Variants in HS3ST6 observed in about 807,000 individuals in gnomAD.
HS3ST6 encodes the protein heparan sulfate-glucosamine 3-sulfotransferase 6, also known as heparan sulfate glucosamine 3-O-sulfotransferase 6.
HS3ST6 carries 13 observed loss-of-function variants against 11.0 expected under a neutral mutation model. That is an observed-to-expected ratio of 1.18 (90% confidence interval 0.77 to 1.88). The LOEUF (loss-of-function observed/expected upper bound fraction) is 1.88. Ranked by LOEUF, HS3ST6 falls within the 40% of genes most tolerant of loss-of-function variation. HS3ST6 has a pLI of 0.00. For missense variants in HS3ST6, 541 were observed against 494.4 expected, an observed-to-expected ratio of 1.09 and a Z score of -0.89; for synonymous variants, 232 against 230.6, an observed-to-expected ratio of 1.01 and a Z score of -0.06.
In HS3ST6 at chr16:1,912,060, C is replaced by T; in HGVS notation, c.559G>A (p.Ala187Thr). The T allele has an allele frequency of 6.6e-7, 1 of 1,514,830 alleles. No individual in the cohort carries two copies. The allele number at this position is 1,514,830 out of a possible 1,614,324, so 93.8% of individuals were successfully genotyped here. A position where few individuals can be genotyped will look rare whatever the true frequency, so the allele number is the denominator to read the frequency against. The change falls in exon 2 of 2, where the codon GCC becomes ACC. Residue 187 changes from alanine to threonine, a missense_variant. By Grantham distance (58) the Ala-to-Thr change is moderately conservative (BLOSUM62 0). Transcript: ENST00000454677. The surrounding 1 kb of genome is among the most constrained non-coding windows in gnomAD (Gnocchi z 5.6). ...IVVVRNPVTR[A>T]ISDYAQTLSK... ...AGCGTCTGGGCGTAGTCGGAGATGG[C>T]CCGGGTCACGGGGTTCCGCACCACC...
In HS3ST6 at chr16:1,912,423, G is replaced by A. The variant is rs138248047; in HGVS notation, c.414-218C>T. 2.5e-3 allele frequency among the ~76,000 whole-genome samples: 388 copies of A among 152,162 alleles called. 7 individuals carry two copies. The highest frequency in any genetic ancestry group is 1.6e-3 in the East Asian group (8 of 5,144). On this transcript the variant is annotated intron_variant, in intron 1 of 1. Coordinates refer to ENST00000454677, the MANE Select transcript of HS3ST6 (RefSeq NM_001009606.4). This position sits in a 1 kb window ranked among gnomAD's most constrained non-coding sequence, Gnocchi z 5.6. The stretch of plus-strand genomic sequence containing the variant: ...CCAGCCCGGCACCTGCCTGCAGCCC[G>A]GCCTGTTCCGCCGGCCTGCCCCGCC...
rs766740518 is a variant in HS3ST6, at chr16:1,912,004, G to A, written c.615C>T (p.Arg205=). ...CCAGGCCGTGGCGGAAGGCCAGGGC[G>A]CGGAAGCTGGGCAGGCCCGGGGTCT... ...LSKTPGLPSF[R]ALAFRHGLGP... Residue 205 remains arginine (R), a synonymous_variant, in exon 2 of 2, where the codon CGC becomes CGT. Transcript: ENST00000454677. This position sits in a 1 kb window ranked among gnomAD's most constrained non-coding sequence, Gnocchi z 5.6. The A allele has an allele frequency of 2.0e-5, 31 of 1,531,700 alleles. No homozygotes were observed. The highest frequency in any genetic ancestry group is 1.8e-4 in the Middle Eastern group (1 of 5,680). 94.9% of individuals were successfully genotyped at this position (1,531,700 alleles called of 1,614,324 possible).
At chr16:1,918,567 G>C (rs1027408192), upstream of HS3ST6, 2 of 153,084 alleles carry the variant, frequency 1.3e-5, no homozygotes, top group African/African-American at 4.8e-5. This position sits in a 1 kb window ranked among gnomAD's most constrained non-coding sequence, Gnocchi z 6.0. Context: ...CACCACCCGG[G>C]CGCGACTCGA....
intron 1 of HS3ST6, among the ~76,000 whole-genome samples, chr16:1,917,199 G>A (rs1054550833): frequency 2.0e-5 from 3 of 152,188 alleles, no homozygotes; most frequent in Non-Finnish European, 4.4e-5. Flanking sequence ...TCCCCAACTG[G>A]CCTTGGGCAG....
chr16:1,913,114 G>C (rs774375243), intron 1 of HS3ST6, among the ~76,000 whole-genome samples: 1 of 152,174 alleles, frequency 6.6e-6, no homozygotes, highest in Admixed American at 6.6e-5. Context: ...TTTAACTGTA[G>C]CCCTGTGAAT....
intron 1 of HS3ST6, among the ~76,000 whole-genome samples, chr16:1,913,361 C>T (rs750157487): frequency 6.6e-6 from 1 of 152,110 alleles, no homozygotes; most frequent in Non-Finnish European, 1.5e-5. Context: ...CCCAAGGTCC[C>T]GGGGGAATCA....
chr16:1,911,695 TG>T lies in HS3ST6; in HGVS notation c.923del (p.Pro308HisfsTer27). 1 of 1,612,040 alleles carries T rather than the reference TG, an allele frequency of 6.2e-7. No individual in the cohort carries two copies. The highest frequency in any genetic ancestry group is 8.5e-7 in the Non-Finnish European group (1 of 1,179,012). On this transcript the variant is annotated frameshift_variant, in exon 2 of 2. Transcript: ENST00000454677. LOFTEE classifies it high-confidence loss of function. Reference sequence around the variant, plus strand: ...CCAGGGCCTGGGGCACGCGTGGGTGTGGCCGGCCCTTGGACTTGCCCAGGCA... The same window carrying T: ...CCAGGGCCTGGGGCACGCGTGGGTGTGCCGGCCCTTGGACTTGCCCAGGCA... ...PRCLGKSKGR[P>X]HPRVPQALVR... is the part of the protein sequence containing the mutation.
In HS3ST6 at chr16:1,912,691, C is replaced by G. The variant is rs1227445297; in HGVS notation, c.414-486G>C. 6.6e-6 allele frequency among the ~76,000 whole-genome samples: 1 copy of G among 152,160 alleles called. No individual in the cohort carries two copies. The highest frequency in any genetic ancestry group is 2.4e-5 in the African/African-American group (1 of 41,438). Reference sequence around the variant, plus strand: ...CACCCGTTCACTCAGTGGCTGACAGCATCCCCTAAATCAGCCCTTCACCAA... The same window carrying G: ...CACCCGTTCACTCAGTGGCTGACAGGATCCCCTAAATCAGCCCTTCACCAA... On this transcript the variant is annotated intron_variant, in intron 1 of 1. Coordinates refer to ENST00000454677, the MANE Select transcript of HS3ST6 (RefSeq NM_001009606.4). The surrounding 1 kb of genome is among the most constrained non-coding windows in gnomAD (Gnocchi z 5.6).
At chr16:1,913,052 A>C (rs1597009381) in intron 1 of HS3ST6, among the ~76,000 whole-genome samples, 1 of 152,172 alleles carries the variant, frequency 6.6e-6, no homozygotes, top group African/African-American at 2.4e-5. Flanking sequence ...TCAGCCTCCC[A>C]AAGTGCTGGG....
Position 1,911,478 on chromosome 16 carries a change from G to GCATCCGAAGCCTATCCTAGCCCA in HS3ST6, c.*111_*112insTGGGCTAGGATAGGCTTCGGATG, listed in dbSNP as rs2082884972. 7.7e-7 allele frequency: 1 copy of GCATCCGAAGCCTATCCTAGCCCA among 1,299,004 alleles called. No individual in the cohort carries two copies. The highest frequency in any genetic ancestry group is 1.0e-6 in the Non-Finnish European group (1 of 977,510). 80.5% of individuals were successfully genotyped at this position (1,299,004 alleles called of 1,614,324 possible). A position where few individuals can be genotyped will look rare whatever the true frequency, so the allele number is the denominator to read the frequency against. ...AACCTCGAGGTTTGTGGAAAAATCT[G>GCATCCGAAGCCTATCCTAGCCCA]GGTCCAAGCTTTATTTCTTAAATAT... On this transcript the variant is annotated 3_prime_UTR_variant, in exon 2 of 2. Transcript: ENST00000454677.
At chr16:1,913,908 A>G (rs994475933) in intron 1 of HS3ST6, among the ~76,000 whole-genome samples, 12 of 152,062 alleles carry the variant, frequency 7.9e-5, no homozygotes, top group Non-Finnish European at 1.2e-4. Flanking sequence ...TTCCCCCACA[A>G]CACCCACCAT....
At position 1,912,798 on chromosome 16, in the gene HS3ST6, T is replaced by C. The variant is rs1235450189; in HGVS notation, c.414-593A>G. Among the ~76,000 whole-genome samples, 2 of 152,092 alleles carry C rather than the reference T, an allele frequency of 1.3e-5. No homozygotes were observed. The highest frequency in any genetic ancestry group is 4.8e-5 in the African/African-American group (2 of 41,414). On this transcript the variant is annotated intron_variant, in intron 1 of 1. Transcript: ENST00000454677. This position sits in a 1 kb window ranked among gnomAD's most constrained non-coding sequence, Gnocchi z 5.6. ...ATGTAATTACATCTCTTCCCATCTTTATTTATTTTTTGAGACGGAGTCTTG... is the reference window on the plus strand; with the variant it reads ...ATGTAATTACATCTCTTCCCATCTTCATTTATTTTTTGAGACGGAGTCTTG...
At chr16:1,920,479 G>C (rs1340796231), upstream of HS3ST6, among the ~76,000 whole-genome samples, 1 of 151,928 alleles carries the variant, frequency 6.6e-6, no homozygotes, top group Non-Finnish European at 1.5e-5. Context: ...GGTCTCAGCA[G>C]TCCCTACTCA....
Position 1,912,356 on chromosome 16 carries a change from C to A in HS3ST6, c.414-151G>T, listed in dbSNP as rs988909910. ...CCCTGCTCGGGCCCACCCCTGCTAG[C>A]GTGCGCGGCTGGGCAGCCTGGAACA... On this transcript the variant is annotated intron_variant, in intron 1 of 1. Transcript: ENST00000454677. The surrounding 1 kb of genome is among the most constrained non-coding windows in gnomAD (Gnocchi z 5.6). Among the ~76,000 whole-genome samples, 3 of 151,610 alleles carry A rather than the reference C, an allele frequency of 2.0e-5. No homozygotes were observed. The highest frequency in any genetic ancestry group is 7.3e-5 in the African/African-American group (3 of 41,258).
chr16:1,919,103 G>C (rs1340430302), upstream of HS3ST6, among the ~76,000 whole-genome samples: 1 of 152,186 alleles, frequency 6.6e-6, no homozygotes, highest in African/African-American at 2.4e-5. Context: ...GGGGCCCAGT[G>C]GTGAACTGAA....
Position 1,918,051 on chromosome 16 carries a change from C to A in HS3ST6, c.273G>T (p.Pro91=), listed in dbSNP as rs747411035. The change falls in exon 1 of 2, where the codon CCG becomes CCT. Residue 91 remains proline, a synonymous_variant. Coordinates refer to ENST00000454677, the MANE Select transcript of HS3ST6 (RefSeq NM_001009606.4). This position sits in a 1 kb window ranked among gnomAD's most constrained non-coding sequence, Gnocchi z 6.0. ...LASGPGRRRF[P]QALIVGVKKG... is the part of the protein sequence containing the mutation. ...TCTTCACGCCAACGATGAGCGCTTG[C>A]GGGAAGCGCCGGCGGCCGGGACCGC... The A allele has an allele frequency of 4.6e-6, 7 of 1,513,264 alleles. No individual in the cohort carries two copies. In the East Asian group the frequency reaches 8.0e-5, roughly 17 times the overall value. 93.7% of individuals were successfully genotyped at this position (1,513,264 alleles called of 1,614,324 possible). A position where few individuals can be genotyped will look rare whatever the true frequency, so the allele number is the denominator to read the frequency against.
At position 1,912,069 on chromosome 16, in the gene HS3ST6, C is replaced by A; in HGVS notation, c.550G>T (p.Val184Leu). The change falls in exon 2 of 2, where the codon GTG (valine) becomes TTG (leucine). Residue 184 changes from valine (V) to leucine (L), a missense_variant. Val to Leu is a conservative substitution (Grantham distance 32, BLOSUM62 1). Transcript: ENST00000454677. The surrounding 1 kb of genome is among the most constrained non-coding windows in gnomAD (Gnocchi z 5.6). ...GCGTAGTCGGAGATGGCCCGGGTCA[C>A]GGGGTTCCGCACCACCACGATCAGC... ...TKLIVVVRNP[V>L]TRAISDYAQT... 6.6e-7 allele frequency: 1 copy of A among 1,513,892 alleles called. No individual in the cohort carries two copies. Among genetic ancestry groups the A allele is most frequent in the Admixed American group, 2.3e-5 (1 of 44,074 alleles). The allele number at this position is 1,513,892 out of a possible 1,614,324, so 93.8% of individuals were successfully genotyped here. A position where few individuals can be genotyped will look rare whatever the true frequency, so the allele number is the denominator to read the frequency against.
At chr16:1,919,362 T>A (rs2082948588), upstream of HS3ST6, among the ~76,000 whole-genome samples, 1 of 152,090 alleles carries the variant, frequency 6.6e-6, no homozygotes, top group Non-Finnish European at 1.5e-5. Flanking sequence ...CGCTAGACAC[T>A]GCGGGAACTT....
At chr16:1,913,620 T>C (rs956304008) in intron 1 of HS3ST6, among the ~76,000 whole-genome samples, 1 of 152,112 alleles carries the variant, frequency 6.6e-6, no homozygotes, top group African/African-American at 2.4e-5. Context: ...GCCTTGCCAG[T>C]CACGCCCAGC....
Sources: allele counts gnomAD v4.1 joint callset (sites outside exome capture counted in the v4.1 genomes callset), GRCh38; gene constraint gnomAD v4.1.1; non-coding constraint Gnocchi (gnomAD v3.1); transcripts MANE v1.5; gene names NCBI Gene and HGNC (gene_info 2026-07-23, HGNC 2026-07-21).